Variants in KPNA5 observed in about 807,000 individuals in gnomAD.
KPNA5 encodes importin subunit alpha-6.
KPNA5 carries 46 observed loss-of-function variants against 71.3 expected under a neutral mutation model. The ratio of observed to expected loss-of-function variants is 0.65; its 90% CI spans 0.51 to 0.83. KPNA5 has a LOEUF of 0.83. KPNA5 is among the 40% of genes least tolerant of loss of function. The pLI, the probability that KPNA5 is intolerant of heterozygous loss-of-function variation, is 0.00. For synonymous variants in KPNA5, 207 were observed against 201.4 expected (o/e 1.03, Z -0.24); for missense variants, 547 against 628.3 (o/e 0.87, Z 1.38).
chr6:116,681,491 A>G (rs764290245), intron 1 of KPNA5, 153 bp downstream of exon 1: 1 of 1,374,682 alleles, frequency 7.3e-7, no homozygotes, highest in Non-Finnish European at 9.4e-7. Context: ...TGTTTTCCCC[A>G]GGGCGACAGC....
intron 2 of KPNA5, 110 bp from the exon 3 acceptor site, chr6:116,691,945 T>C (rs1471789835): frequency 1.4e-6 from 1 of 715,318 alleles, no homozygotes; most frequent in Non-Finnish European, 2.4e-6. Context: ...AATTTTAAGT[T>C]ATAAAATTGA....
intron 1 of KPNA5, among the ~76,000 whole-genome samples, chr6:116,682,645 A>G (rs1777408233): frequency 6.6e-6 from 1 of 152,248 alleles, no homozygotes; most frequent in African/African-American, 2.4e-5. Flanking sequence ...GTCGATTGAT[A>G]TTAAAGAAAA....
At chr6:116,697,995 A>G (rs1778089349) in intron 4 of KPNA5, among the ~76,000 whole-genome samples, 1 of 152,024 alleles carries the variant, frequency 6.6e-6, no homozygotes, top group African/African-American at 2.4e-5. Flanking sequence ...AAATAGGTAC[A>G]TTTTCTAAGA....
In KPNA5 at chr6:116,738,454, T is replaced by C. The variant is rs1422216909; in HGVS notation, c.*6131T>C. On this transcript the variant is annotated 3_prime_UTR_variant, in exon 14 of 14. Transcript: ENST00000368564. ...GAACTGGTACCATTCCTTCTGAAAC[T>C]ATTCCAATCAATAGAAAAAGAGGGA... 1 of 152,082 alleles carries C rather than the reference T, an allele frequency of 6.6e-6. No homozygotes were observed. Among genetic ancestry groups the C allele is most frequent in the South Asian group, 2.1e-4 (1 of 4,816 alleles). The allele number at this position is 152,082 out of a possible 1,614,324, so 9.4% of individuals were successfully genotyped here.
intron 5 of KPNA5, among the ~76,000 whole-genome samples, chr6:116,700,406 G>T (rs1170575653): frequency 6.6e-6 from 1 of 152,150 alleles, no homozygotes. Flanking sequence ...GACGTTTGAA[G>T]TTATAGTGAG....
intron 7 of KPNA5, among the ~76,000 whole-genome samples, chr6:116,715,719 C>G (rs984631859): frequency 1.3e-5 from 2 of 152,004 alleles, no homozygotes; most frequent in African/African-American, 4.8e-5. Context: ...AGTTGAAGAC[C>G]AGCCTGGCCA....
In KPNA5 at chr6:116,732,252, C is replaced by T. The variant is rs1310169149; in HGVS notation, c.1549C>T (p.Gln517Ter). ...AGAAGATGACCCCAGCATTGTACCT[C>T]AGGTGGATGAAAACCAACAACAGTT... ...VEEDDPSIVP[Q>*]VDENQQQFIF... The change falls in exon 14 of 14, where the codon CAG becomes TAG. Residue 517 changes from glutamine to a stop codon, truncating the protein, a stop_gained. Transcript: ENST00000368564. LOFTEE classifies it high-confidence loss of function. 1 of 1,594,080 alleles carries T rather than the reference C, an allele frequency of 6.3e-7. No homozygotes were observed. The highest frequency in any genetic ancestry group is 1.1e-5 in the South Asian group (1 of 87,536).
chr6:116,701,260 A>G (rs898465036), intron 5 of KPNA5, among the ~76,000 whole-genome samples: 11 of 152,166 alleles, frequency 7.2e-5, no homozygotes, highest in African/African-American at 2.2e-4. Context: ...GGTTAATTTT[A>G]TATGTCAAAT....
chr6:116,716,340 T>G (rs1778886744), intron 8 of KPNA5, 22 bp downstream of exon 8: 2 of 1,470,230 alleles, frequency 1.4e-6, no homozygotes, highest in African/African-American at 1.4e-5. Context: ...ATACACAAAT[T>G]AAAATATTTG....
At chr6:116,692,456 T>C (rs1466490121) in intron 4 of KPNA5, 64 bp downstream of exon 4, 1 of 1,028,066 alleles carries the variant, frequency 9.7e-7, no homozygotes, top group Non-Finnish European at 1.5e-6. Flanking sequence ...GTTTATTTTA[T>C]TGTTTTTTTT....
chr6:116,733,705 C>T lies in KPNA5; in HGVS notation c.*1382C>T, dbSNP rs1005898845. The T allele has an allele frequency of 6.6e-5, 10 of 151,188 alleles. No individual in the cohort carries two copies. Among genetic ancestry groups the T allele is most frequent in the Admixed American group, 4.6e-4 (7 of 15,102 alleles). The allele number at this position is 151,188 out of a possible 1,614,324, so 9.4% of individuals were successfully genotyped here. On this transcript the variant is annotated 3_prime_UTR_variant, in exon 14 of 14. Transcript: ENST00000368564. ...GCTATTTATGTGTCCAATTGTATAC[C>T]TAGAATACTTACTTAAAACTTAGTT...
intron 8 of KPNA5, among the ~76,000 whole-genome samples, chr6:116,720,293 C>T (rs1779054120): frequency 6.6e-6 from 1 of 152,114 alleles, no homozygotes; most frequent in African/African-American, 2.4e-5. Context: ...CTTTTCTCCC[C>T]TCTTCTAAGT....
Position 116,692,306 on chromosome 6 carries a change from C to A in KPNA5, c.254C>A (p.Thr85Asn). ...TVPIPEEEVVTTDMVQMIFSN... is the reference protein window; with the variant it reads ...TVPIPEEEVVNTDMVQMIFSN... ...TGTGTGTTTTAGGAAGAAGTTGTTA[C>A]TACAGATATGGTTCAGATGATTTTT... The change falls in exon 4 of 14, where the codon ACT (threonine) becomes AAT (asparagine). Residue 85 changes from threonine (T) to asparagine (N), a missense_variant. Thr to Asn is a moderately conservative substitution (Grantham distance 65, BLOSUM62 0). Coordinates refer to ENST00000368564, the MANE Select transcript of KPNA5 (RefSeq NM_001366306.2). 1 of 1,594,960 alleles carries A rather than the reference C, an allele frequency of 6.3e-7. No individual in the cohort carries two copies. The highest frequency in any genetic ancestry group is 8.5e-7 in the Non-Finnish European group (1 of 1,170,394).
chr6:116,710,840 T>G (rs1336226067), intron 7 of KPNA5, among the ~76,000 whole-genome samples: 2 of 145,432 alleles, frequency 1.4e-5, no homozygotes, highest in Non-Finnish European at 3.0e-5. Flanking sequence ...TAGTAATGTC[T>G]CTACTTTCAT....
At position 116,741,172 on chromosome 6, in the gene KPNA5, T is replaced by C. The variant is rs1273098060; in HGVS notation, c.*8849T>C. On this transcript the variant is annotated 3_prime_UTR_variant, in exon 14 of 14. Transcript: ENST00000368564. ...GAAAAGAATGTGTTTTGTTAATTGA[T>C]TCATGTCTTTTACATACTAGTCTGC... 1 of 152,138 alleles carries C rather than the reference T, an allele frequency of 6.6e-6. No individual in the cohort carries two copies. The highest frequency in any genetic ancestry group is 2.4e-5 in the African/African-American group (1 of 41,440). The allele number at this position is 152,138 out of a possible 1,614,324, so 9.4% of individuals were successfully genotyped here.
intron 7 of KPNA5, 121 bp downstream of exon 7, chr6:116,705,281 T>A: frequency 1.5e-6 from 1 of 656,596 alleles, no homozygotes; most frequent in Non-Finnish European, 2.5e-6. Flanking sequence ...AAGCCTGCAG[T>A]AGCTTGACAG....
At chr6:116,731,315 C>T (rs990176865) in intron 13 of KPNA5, among the ~76,000 whole-genome samples, 7 of 152,110 alleles carry the variant, frequency 4.6e-5, no homozygotes, top group Admixed American at 3.3e-4. Flanking sequence ...TAAGACATTA[C>T]ATGAATACAA....
intron 8 of KPNA5, among the ~76,000 whole-genome samples, chr6:116,721,085 A>G (rs1779086504): frequency 6.6e-6 from 1 of 152,202 alleles, no homozygotes; most frequent in African/African-American, 2.4e-5. Flanking sequence ...GGACAGGCCC[A>G]GCAGAGATGG....
intron 11 of KPNA5, 98 bp downstream of exon 11, chr6:116,725,974 AG>A (rs1347233383): frequency 1.3e-5 from 18 of 1,360,206 alleles, no homozygotes; most frequent in Non-Finnish European, 1.8e-5. Context: ...CTTTTTAAAA[AG>A]ATACCGAAAA....
Sources: gnomAD v4.1 joint callset for allele counts (sites outside exome capture counted in the v4.1 genomes callset) on GRCh38, gnomAD v4.1.1 for gene constraint, MANE v1.5 for transcripts, NCBI Gene and HGNC (gene_info 2026-07-23, HGNC 2026-07-21) for gene names.